YEATS2: variants seen among roughly 807,000 people sequenced by gnomAD.
YEATS2 encodes YEATS domain containing 2, also known as YEATS domain-containing protein 2.
Under a neutral mutation model 163.2 loss-of-function variants are expected in YEATS2, and 77 were observed. The ratio of observed to expected loss-of-function variants is 0.47; its 90% CI spans 0.39 to 0.57. YEATS2 has a LOEUF of 0.57. YEATS2 is among the 20% of genes least tolerant of loss of function. The pLI is 0.00. For synonymous variants in YEATS2, 631 were observed against 645.1 expected, an observed-to-expected ratio of 0.98 and a Z score of 0.33; for missense variants, 1,549 against 1,729.8, an observed-to-expected ratio of 0.90 and a Z score of 1.85.
chr3:183,736,659 T>A, intron 7 of YEATS2, 59 bp from the exon 8 acceptor site: 1 of 1,302,246 alleles, frequency 7.7e-7, no homozygotes. Flanking sequence ...AGGAAACTTT[T>A]CCTGTGTAGG....
chr3:183,716,115 A>G (rs1282165532), intron 2 of YEATS2, among the ~76,000 whole-genome samples: 10 of 151,984 alleles, frequency 6.6e-5, no homozygotes, highest in South Asian at 2.1e-4. Context: ...ACCCGCCACC[A>G]CGCCTTGCTA....
intron 19 of YEATS2, among the ~76,000 whole-genome samples, chr3:183,782,988 C>T (rs912549066): frequency 1.1e-4 from 17 of 152,210 alleles, no homozygotes; most frequent in African/African-American, 2.9e-4. Context: ...CTCACCAACA[C>T]GGAGGATTGT....
chr3:183,737,429 CAG>C (rs755672133), intron 8 of YEATS2, among the ~76,000 whole-genome samples: 1 of 151,986 alleles, frequency 6.6e-6, no homozygotes, highest in South Asian at 2.1e-4. Flanking sequence ...ATGCAACCAT[CAG>C]AGAGAGAGAG....
intron 17 of YEATS2, 25 bp from the exon 18 acceptor site, chr3:183,775,890 T>C (rs1295476559): frequency 6.2e-7 from 1 of 1,611,176 alleles, no homozygotes; most frequent in East Asian, 2.2e-5. Flanking sequence ...TTTTATGATG[T>C]TGCTGTCATT....
rs1014005486 is a variant in YEATS2 at position 183,756,612 on chromosome 3, G to A, written c.1475G>A (p.Gly492Asp). The part of the protein sequence containing the change: ...TPVHVKQGTA[G>D]SVINNPYVIM... ...GTCCACGTGAAGCAAGGCACTGCCG[G>A]CTCTGTTATTAATAATCCTTATGTT... The change falls in exon 12 of 31, where the codon GGC becomes GAC. Residue 492 changes from glycine (G) to aspartate (D), a missense_variant. By Grantham distance (94) the Gly-to-Asp change is moderately conservative. Coordinates refer to ENST00000305135, the MANE Select transcript of YEATS2 (RefSeq NM_018023.5). The A allele has an allele frequency of 5.6e-6, 9 of 1,606,454 alleles. No homozygotes were observed. The highest frequency in any genetic ancestry group is 5.3e-5 in the African/African-American group (4 of 74,774).
chr3:183,763,282 G>T (rs1038260760), intron 15 of YEATS2, among the ~76,000 whole-genome samples: 2 of 152,054 alleles, frequency 1.3e-5, no homozygotes, highest in Admixed American at 6.6e-5. Context: ...AACCTGTTCC[G>T]CATGTTACTA....
intron 7 of YEATS2, among the ~76,000 whole-genome samples, chr3:183,731,600 G>T (rs1717785941): frequency 6.6e-6 from 1 of 152,172 alleles, no homozygotes; most frequent in Non-Finnish European, 1.5e-5. Flanking sequence ...TTACTAATCT[G>T]TGGGCAGAGG....
intron 15 of YEATS2, among the ~76,000 whole-genome samples, chr3:183,766,957 G>C (rs1014730394): frequency 4.0e-5 from 6 of 151,848 alleles, no homozygotes; most frequent in Non-Finnish European, 7.4e-5. Flanking sequence ...TTATAAGCAT[G>C]AGCCACTGTG....
At chr3:183,717,925 G>A (rs262986) in intron 3 of YEATS2, among the ~76,000 whole-genome samples, 177 bp downstream of exon 3, 75,891 of 147,718 alleles carry the variant, frequency 0.51, 19,693 homozygotes, top group Middle Eastern at 0.7. Context: ...TTTTTAAATA[G>A]TGCAATTGCA....
chr3:183,736,823 T>C lies in YEATS2; in HGVS notation c.918T>C (p.Asn306=). Residue 306 remains asparagine, a synonymous_variant, in exon 8 of 31, where the codon AAT becomes AAC. Coordinates refer to ENST00000305135, the MANE Select transcript of YEATS2 (RefSeq NM_018023.5). Reference sequence around the variant, plus strand: ...ACAAGCGGATAGATATCATACATAATCTGAAGGTATTGTAACAAAACATTG... The same window carrying C: ...ACAAGCGGATAGATATCATACATAACCTGAAGGTATTGTAACAAAACATTG... ...SQNKRIDIIH[N]LKLDRTYTGL... The C allele has an allele frequency of 6.2e-7, 1 of 1,611,440 alleles. No individual in the cohort carries two copies. The highest frequency in any genetic ancestry group is 8.5e-7 in the Non-Finnish European group (1 of 1,178,700).
Position 183,758,786 on chromosome 3 carries a change from G to A in YEATS2, c.1553-76G>A, listed in dbSNP as rs1444323325. On this transcript the variant is annotated intron_variant, in intron 12 of 30. Coordinates refer to ENST00000305135, the MANE Select transcript of YEATS2 (RefSeq NM_018023.5). ...AAAATAAATAGTGCGAAAGAGGGGA[G>A]GATGGTAGAAATGCTTTAAAATTAC... The A allele has an allele frequency of 1.0e-5, 10 of 981,996 alleles. No individual in the cohort carries two copies. In the East Asian group the frequency reaches 2.5e-4, roughly 25 times the overall value. 60.8% of individuals were successfully genotyped at this position (981,996 alleles called of 1,614,324 possible).
intron 21 of YEATS2, chr3:183,793,312 G>A: frequency 9.1e-7 from 1 of 1,101,634 alleles, no homozygotes; most frequent in African/African-American, 1.6e-5. Context: ...GTCTTGTTTG[G>A]ATAGAGAACA....
At chr3:183,775,189 G>T (rs925561222) in intron 17 of YEATS2, among the ~76,000 whole-genome samples, 38 of 152,194 alleles carry the variant, frequency 2.5e-4, no homozygotes, top group African/African-American at 8.7e-4. Flanking sequence ...CTGAGACAGG[G>T]AGACAACATC....
intron 7 of YEATS2, among the ~76,000 whole-genome samples, chr3:183,732,126 C>T (rs1717850931): frequency 6.6e-6 from 1 of 151,936 alleles, no homozygotes; most frequent in African/African-American, 2.4e-5. Flanking sequence ...TTTAGAACTT[C>T]TCGATGTTTA....
At chr3:183,726,548 A>C (rs1717118682) in intron 6 of YEATS2, among the ~76,000 whole-genome samples, 1 of 152,140 alleles carries the variant, frequency 6.6e-6, no homozygotes. Context: ...TTTGGCCAAG[A>C]TGTAAATAGA....
At chr3:183,705,836 G>A (rs1206594757) in intron 1 of YEATS2, among the ~76,000 whole-genome samples, 1 of 152,006 alleles carries the variant, frequency 6.6e-6, no homozygotes, top group Non-Finnish European at 1.5e-5. Flanking sequence ...TGAGGAGATC[G>A]AGACCATCCT....
chr3:183,738,207 G>A (rs1718552619), intron 8 of YEATS2, among the ~76,000 whole-genome samples: 1 of 139,162 alleles, frequency 7.2e-6, no homozygotes, highest in South Asian at 2.5e-4. Context: ...TTGAAATTAG[G>A]CCAATTAATA....
chr3:183,797,220 G>GATGGA (rs905500232), intron 21 of YEATS2, among the ~76,000 whole-genome samples: 1 of 146,062 alleles, frequency 6.8e-6, no homozygotes, highest in African/African-American at 2.6e-5. Context: ...AGTGAGCTGA[G>GATGGA]ATGGAGCCAT....
At chr3:183,750,367 T>G (rs1348859278) in intron 9 of YEATS2, among the ~76,000 whole-genome samples, 1 of 152,266 alleles carries the variant, frequency 6.6e-6, no homozygotes, top group Non-Finnish European at 1.5e-5. Flanking sequence ...TTTTGGCTGT[T>G]GTTAATAGTG....
Sources: gnomAD v4.1 joint callset for allele counts (sites outside exome capture counted in the v4.1 genomes callset) on GRCh38, gnomAD v4.1.1 for gene constraint, MANE v1.5 for transcripts, NCBI Gene and HGNC (gene_info 2026-07-23, HGNC 2026-07-21) for gene names.